The following PAM variants were observed in gnomAD, a reference collection of about 807,000 sequenced individuals.
PAM encodes the protein peptidyl-glycine alpha-amidating monooxygenase.
A neutral mutation model predicts 122.1 loss-of-function variants in PAM; 72 were observed. The ratio of observed to expected loss-of-function variants is 0.59; its 90% CI spans 0.49 to 0.72. The LOEUF (loss-of-function observed/expected upper bound fraction) is 0.72, where lower values mean the gene tolerates loss of function less well. Ranked by LOEUF, PAM falls within the 30% of genes least tolerant of loss-of-function variation. The pLI is 0.00. For missense variants in PAM, 1,106 were observed against 1,183.7 expected (o/e 0.93, Z 0.96); for synonymous variants, 389 against 404.4 (o/e 0.96, Z 0.46).
At chr5:102,786,883 AATAAG>A (rs1760693611) in intron 1 of PAM, among the ~76,000 whole-genome samples, 2 of 152,266 alleles carry the variant, frequency 1.3e-5, no homozygotes, top group Non-Finnish European at 1.5e-5. Context: ...AAAAGTTATA[AATAAG>A]ATAACTACCA....
Position 103,029,151 on chromosome 5 carries a change from T to A in PAM, c.*86T>A. On this transcript the variant is annotated 3_prime_UTR_variant, in exon 26 of 26. Coordinates refer to ENST00000438793, the MANE Select transcript of PAM (RefSeq NM_001177306.2). ...TAGCACGTTTAAAGTTCTGTGTATT[T>A]AATTGTAAACTGTACTAGTCTGTGT... is the stretch of plus-strand genomic sequence containing the variant. 8.8e-7 allele frequency: 1 copy of A among 1,140,648 alleles called. No individual in the cohort carries two copies. 70.7% of individuals were successfully genotyped at this position (1,140,648 alleles called of 1,614,324 possible).
chr5:102,930,874 T>C (rs1043917794), intron 7 of PAM, among the ~76,000 whole-genome samples: 8 of 152,222 alleles, frequency 5.3e-5, no homozygotes, highest in African/African-American at 1.9e-4. Context: ...GGAAATAGGA[T>C]GTACTCTAAT....
intron 1 of PAM, among the ~76,000 whole-genome samples, chr5:102,808,714 T>C (rs538679403): frequency 2.0e-5 from 3 of 152,320 alleles, no homozygotes; most frequent in Non-Finnish European, 2.9e-5. Context: ...TTGCATGTTA[T>C]AGAAATTAAA....
intron 5 of PAM, among the ~76,000 whole-genome samples, chr5:102,915,456 G>A (rs911536477): frequency 1.3e-5 from 2 of 152,032 alleles, no homozygotes; most frequent in Non-Finnish European, 2.9e-5. Context: ...ATGTGACTGG[G>A]TTTATGTAAA....
chr5:102,862,702 G>A (rs1053312458), intron 1 of PAM, among the ~76,000 whole-genome samples: 5 of 152,174 alleles, frequency 3.3e-5, no homozygotes, highest in Non-Finnish European at 5.9e-5. Context: ...TATGTGTCTA[G>A]CACTGTTCTA....
At chr5:102,800,349 CA>C (rs1341876056) in intron 1 of PAM, among the ~76,000 whole-genome samples, 1 of 152,196 alleles carries the variant, frequency 6.6e-6, no homozygotes, top group African/African-American at 2.4e-5. Context: ...TATGGTTCTT[CA>C]GAGCCATTTT....
intron 14 of PAM, among the ~76,000 whole-genome samples, chr5:102,968,829 G>A (rs1272428969): frequency 6.6e-6 from 1 of 152,068 alleles, no homozygotes. Flanking sequence ...GCGAAGACTT[G>A]GAACCAACCC....
intron 15 of PAM, among the ~76,000 whole-genome samples, chr5:102,986,430 TTA>T (rs1771849228): frequency 1.3e-5 from 2 of 152,234 alleles, no homozygotes; most frequent in South Asian, 4.1e-4. Flanking sequence ...AGTAGCATTT[TTA>T]TACACCAATA....
At chr5:103,023,868 G>A (rs1267301753) in intron 23 of PAM, among the ~76,000 whole-genome samples, 2 of 152,138 alleles carry the variant, frequency 1.3e-5, no homozygotes, top group South Asian at 2.1e-4. Context: ...GGCTCAGAAC[G>A]TTGAAGCAAA....
intron 3 of PAM, among the ~76,000 whole-genome samples, chr5:102,891,457 A>C (rs997245722): frequency 6.6e-6 from 1 of 151,882 alleles, no homozygotes; most frequent in Non-Finnish European, 1.5e-5. Context: ...GTTTAAGGGA[A>C]ATGAATAGGT....
chr5:102,828,780 T>TG (rs1258853766), intron 1 of PAM, among the ~76,000 whole-genome samples: 1 of 152,208 alleles, frequency 6.6e-6, no homozygotes, highest in Non-Finnish European at 1.5e-5. Context: ...AGTTGGTTGT[T>TG]GGCTTGTTTA....
rs1366967159 is a variant in PAM, at chr5:102,913,999, C to A, written c.334C>A (p.Pro112Thr). ...HHMLLFGCNM[P>T]SSTGSYWFCD... Reference sequence around the variant, plus strand: ...CATGTTACTTTTTGGATGCAATATGCCTTCATCCACTGGAAGTTACTGGTA... The same window carrying A: ...CATGTTACTTTTTGGATGCAATATGACTTCATCCACTGGAAGTTACTGGTA... Residue 112 changes from proline to threonine, a missense_variant, in exon 5 of 26, where the codon CCT (proline) becomes ACT (threonine). Around this residue, in one of 3 missense-constraint regions of PAM, gnomAD observed 670 missense variants for 690.3 expected, o/e 0.97. Transcript: ENST00000438793. The A allele has an allele frequency of 1.3e-6, 2 of 1,588,258 alleles. No homozygotes were observed. Among genetic ancestry groups the A allele is most frequent in the Non-Finnish European group, 1.7e-6 (2 of 1,156,824 alleles).
At chr5:102,907,370 A>G (rs1298594329) in intron 4 of PAM, among the ~76,000 whole-genome samples, 2 of 151,208 alleles carry the variant, frequency 1.3e-5, no homozygotes, top group African/African-American at 4.9e-5. Flanking sequence ...CCAGTCTATC[A>G]TTGTTGGACA....
chr5:102,935,970 T>A (rs574143721), intron 7 of PAM, among the ~76,000 whole-genome samples: 19 of 152,142 alleles, frequency 1.2e-4, no homozygotes, highest in Non-Finnish European at 2.2e-4. Flanking sequence ...AAGAGCCAAT[T>A]GGTAATTTGC....
intron 15 of PAM, among the ~76,000 whole-genome samples, chr5:102,983,333 A>T (rs10463555): frequency 6.6e-6 from 1 of 150,982 alleles, no homozygotes; most frequent in Non-Finnish European, 1.5e-5. Flanking sequence ...GCGTATAATT[A>T]CAGCTACTCG....
intron 1 of PAM, among the ~76,000 whole-genome samples, chr5:102,822,421 G>A (rs1772276590): frequency 6.6e-6 from 1 of 152,072 alleles, no homozygotes; most frequent in Non-Finnish European, 1.5e-5. Context: ...CTAATTCCAA[G>A]CGGGACCATT....
At chr5:102,857,488 C>G (rs1782951345) in intron 1 of PAM, among the ~76,000 whole-genome samples, 1 of 152,144 alleles carries the variant, frequency 6.6e-6, no homozygotes, top group Admixed American at 6.5e-5. Flanking sequence ...CAATTTGAAC[C>G]ATAGGCATAG....
chr5:102,800,363 A>G (rs1281937557), intron 1 of PAM, among the ~76,000 whole-genome samples: 1 of 152,122 alleles, frequency 6.6e-6, no homozygotes, highest in South Asian at 2.1e-4. Context: ...GCCATTTTGC[A>G]TGTATACGAA....
intron 24 of PAM, 100 bp downstream of exon 24, chr5:103,025,434 GT>G: frequency 2.2e-6 from 2 of 908,018 alleles, no homozygotes; most frequent in South Asian, 1.5e-5. Context: ...CACTGTATTT[GT>G]TTTTTTGTTT....
Sources: gnomAD v4.1 joint callset for allele counts (sites outside exome capture counted in the v4.1 genomes callset) on GRCh38, gnomAD v4.1.1 for gene constraint, gnomAD v4.1.1 regional missense constraint, MANE v1.5 for transcripts, NCBI Gene and HGNC (gene_info 2026-07-23, HGNC 2026-07-21) for gene names.